FAM220A: variants seen among roughly 807,000 people sequenced by gnomAD.
FAM220A encodes the protein family with sequence similarity 220 member A.
For synonymous variants in FAM220A, 141 were observed against 130.7 expected (o/e 1.08, Z -0.54); for missense variants, 392 against 321.6 (o/e 1.22, Z -1.68).
chr7:6,334,292 T>C (rs1205430059), intron 1 of FAM220A, among the ~76,000 whole-genome samples: 1 of 150,860 alleles, frequency 6.6e-6, no homozygotes, highest in Non-Finnish European at 1.5e-5. Flanking sequence ...TCCCAGCACT[T>C]GGGGAGGCCT....
At chr7:6,336,664 A>G (rs1781753566) in intron 1 of FAM220A, among the ~76,000 whole-genome samples, 1 of 148,956 alleles carries the variant, frequency 6.7e-6, no homozygotes. Context: ...AGCCTGAGAG[A>G]GCGAGCAAGA....
At chr7:6,342,092 C>T (rs1344541213) in intron 1 of FAM220A, 1 of 152,138 alleles carries the variant, frequency 6.6e-6, no homozygotes, top group Non-Finnish European at 1.5e-5. Context: ...TAAGAACCTA[C>T]CCTACGCCAG....
chr7:6,333,840 C>CTTTTT (rs904989717), intron 1 of FAM220A, among the ~76,000 whole-genome samples: 1 of 96,838 alleles, frequency 1.0e-5, no homozygotes, highest in Non-Finnish European at 2.1e-5. Flanking sequence ...CTCCTGGCCT[C>CTTTTT]TTTTTTTTTT....
In FAM220A at chr7:6,341,684, T is replaced by C. The variant is rs1781861103; in HGVS notation, c.-82+6889A>G. Reference sequence around the variant, plus strand: ...TAGCCTGGGCCACAGAGCAAGACTCTGTCAAAAAAAAAAAAAAAAATTATG... The same window carrying C: ...TAGCCTGGGCCACAGAGCAAGACTCCGTCAAAAAAAAAAAAAAAAATTATG... On this transcript the variant is annotated intron_variant, in intron 1 of 1. Transcript: ENST00000313324. Among the ~76,000 whole-genome samples the C allele has an allele frequency of 3.5e-5, 5 of 143,396 alleles. No homozygotes were observed. The South Asian group carries it at 1.1e-3, about 32-fold the overall frequency. The allele number at this position is 143,396 out of a possible 152,430, so 94.1% of individuals were successfully genotyped here.
Position 6,330,805 on chromosome 7 carries a change from A to C in FAM220A, c.350T>G (p.Val117Gly). The change falls in exon 2 of 2, where the codon GTG becomes GGG. Residue 117 changes from valine to glycine, a missense_variant. Transcript: ENST00000313324. ...FPAPTECFARVSCSGVEALGR... is the reference protein window; with the variant it reads ...FPAPTECFARGSCSGVEALGR... ...CAGAGCTTCAACACCACTGCAGGAC[A>C]CCCGAGCAAAACACTCTGTTGGAGC... is the stretch of plus-strand genomic sequence containing the variant. 6.2e-7 allele frequency: 1 copy of C among 1,614,132 alleles called. No individual in the cohort carries two copies. The highest frequency in any genetic ancestry group is 8.5e-7 in the Non-Finnish European group (1 of 1,180,028).
intron 1 of FAM220A, among the ~76,000 whole-genome samples, chr7:6,345,193 C>T (rs1781931781): frequency 6.6e-6 from 1 of 152,036 alleles, no homozygotes; most frequent in Non-Finnish European, 1.5e-5. Flanking sequence ...TCACGGCTCA[C>T]TGCATCTTCG....
intron 1 of FAM220A, among the ~76,000 whole-genome samples, chr7:6,344,955 G>A (rs1781928743): frequency 6.6e-6 from 1 of 151,898 alleles, no homozygotes. Context: ...TGGCCATGCT[G>A]GTCTCAAACT....
intron 1 of FAM220A, among the ~76,000 whole-genome samples, chr7:6,333,475 A>T (rs1376805611): frequency 6.6e-6 from 1 of 152,126 alleles, no homozygotes; most frequent in Admixed American, 6.6e-5. Context: ...GATCATAAGG[A>T]GGGACAGACT....
chr7:6,342,315 C>G (rs1344375268), intron 1 of FAM220A, among the ~76,000 whole-genome samples: 3 of 151,960 alleles, frequency 2.0e-5, no homozygotes, highest in Admixed American at 6.6e-5. Flanking sequence ...GAGGCCGAGG[C>G]AGGTGGATCT....
At chr7:6,337,523 G>A (rs1163358217) in intron 1 of FAM220A, among the ~76,000 whole-genome samples, 1 of 151,712 alleles carries the variant, frequency 6.6e-6, no homozygotes, top group Non-Finnish European at 1.5e-5. Flanking sequence ...CAAGGATTTA[G>A]CATTGTTCAG....
intron 1 of FAM220A, among the ~76,000 whole-genome samples, chr7:6,332,959 G>A (rs1463765333): frequency 6.6e-6 from 1 of 152,096 alleles, no homozygotes; most frequent in Non-Finnish European, 1.5e-5. Flanking sequence ...AGGAGTTCGA[G>A]ACAAGCATGG....
chr7:6,346,334 A>C (rs924883404), intron 1 of FAM220A, among the ~76,000 whole-genome samples: 1 of 152,088 alleles, frequency 6.6e-6, no homozygotes, highest in African/African-American at 2.4e-5. Flanking sequence ...ACAGTACCTC[A>C]ATTTGGACCT....
chr7:6,346,006 T>G (rs896335805), intron 1 of FAM220A, among the ~76,000 whole-genome samples: 1 of 152,096 alleles, frequency 6.6e-6, no homozygotes, highest in Non-Finnish European at 1.5e-5. Flanking sequence ...TGACCTCAAG[T>G]GATCCGCCTG....
In FAM220A at chr7:6,330,405, A is replaced by G; in HGVS notation, c.750T>C (p.Phe250=). The change falls in exon 2 of 2, where the codon TTT becomes TTC. Residue 250 remains phenylalanine, a synonymous_variant. Coordinates refer to ENST00000313324, the MANE Select transcript of FAM220A (RefSeq NM_001037163.2). Reference sequence around the variant, plus strand: ...TATGGCATAATGTATTTGCTAATTCAAAAGGTTGCAGAGCCAGTAACCCCA... The same window carrying G: ...TATGGCATAATGTATTTGCTAATTCGAAAGGTTGCAGAGCCAGTAACCCCA... ...ITLGLLALQP[F]ELANTLCHS 6.2e-7 allele frequency: 1 copy of G among 1,613,428 alleles called. No homozygotes were observed. The highest frequency in any genetic ancestry group is 8.5e-7 in the Non-Finnish European group (1 of 1,179,872).
rs558187816 is a variant in FAM220A at position 6,337,133 on chromosome 7, G to A, written c.-81-5898C>T. ...CTCGCCCAGGCTGGAGTGCAGTGGCGCAATCTCAGCTCACTGCAGCCTCTG... is the reference window on the plus strand; with the variant it reads ...CTCGCCCAGGCTGGAGTGCAGTGGCACAATCTCAGCTCACTGCAGCCTCTG... On this transcript the variant is annotated intron_variant, in intron 1 of 1. Transcript: ENST00000313324. Among the ~76,000 whole-genome samples, 159 of 150,126 alleles carry A rather than the reference G, an allele frequency of 1.1e-3. 1 individual carries two copies. The highest frequency in any genetic ancestry group is 9.0e-3 in the Admixed American group (136 of 15,030).
At chr7:6,334,100 C>A (rs1004379881) in intron 1 of FAM220A, among the ~76,000 whole-genome samples, 1 of 151,352 alleles carries the variant, frequency 6.6e-6, no homozygotes, top group African/African-American at 2.4e-5. Flanking sequence ...CCCACCTTGG[C>A]CTCCCAAAGT....
chr7:6,347,964 G>T (rs1347115713), intron 1 of FAM220A, among the ~76,000 whole-genome samples: 1 of 150,048 alleles, frequency 6.7e-6, no homozygotes, highest in Non-Finnish European at 1.5e-5. Flanking sequence ...AGGCTGGAGC[G>T]CAATGGAGCG....
intron 1 of FAM220A, among the ~76,000 whole-genome samples, chr7:6,348,233 G>GC (rs541675785): frequency 2.5e-5 from 1 of 40,758 alleles, no homozygotes; most frequent in African/African-American, 1.2e-4. Context: ...TTAAAAATAA[G>GC]GGGGGGGGTT....
intron 1 of FAM220A, among the ~76,000 whole-genome samples, chr7:6,331,571 A>G (rs1036818334): frequency 6.6e-6 from 1 of 151,914 alleles, no homozygotes; most frequent in African/African-American, 2.4e-5. Context: ...TAATAGAGAC[A>G]AGGTTTCACC....
Sources: allele counts gnomAD v4.1 joint callset (sites outside exome capture counted in the v4.1 genomes callset), GRCh38; gene constraint gnomAD v4.1.1; transcripts MANE v1.5; gene names NCBI Gene and HGNC (gene_info 2026-07-23, HGNC 2026-07-21).